Variants in DACH1 observed in about 807,000 individuals in gnomAD.
DACH1 encodes the protein dachshund homolog 1.
DACH1 carries 12 observed loss-of-function variants against 54.2 expected under a neutral mutation model. The observed-to-expected ratio is 0.22, with a 90% CI of 0.14 to 0.36. The LOEUF is 0.36. Among genes scored for constraint, DACH1 ranks in the 10% least tolerant of loss-of-function variants. The pLI is 1.00. For synonymous variants in DACH1, 386 were observed against 366.2 expected (o/e 1.05, Z -0.62); for missense variants, 805 against 929.8 (o/e 0.87, Z 1.75).
chr13:71,746,802 T>C (rs1213264011), intron 1 of DACH1, among the ~76,000 whole-genome samples: 2 of 152,320 alleles, frequency 1.3e-5, no homozygotes, highest in East Asian at 3.9e-4. Context: ...ACTTCTCTAA[T>C]GTCTTCACTA....
chr13:71,821,787 T>C (rs928837839), intron 1 of DACH1, among the ~76,000 whole-genome samples: 3 of 152,078 alleles, frequency 2.0e-5, no homozygotes, highest in Non-Finnish European at 4.4e-5. Context: ...TTCACATTCT[T>C]CCTTAAAACT....
chr13:71,459,042 A>T (rs981859127), intron 10 of DACH1, among the ~76,000 whole-genome samples: 1 of 152,018 alleles, frequency 6.6e-6, no homozygotes, highest in East Asian at 1.9e-4. Flanking sequence ...AGTTACGGAC[A>T]ATAGTTTGCC....
chr13:71,562,828 T>A (rs1192100073), intron 4 of DACH1, among the ~76,000 whole-genome samples: 1 of 152,126 alleles, frequency 6.6e-6, no homozygotes, highest in African/African-American at 2.4e-5. Context: ...CAAATCATTG[T>A]AATCACAAAT....
At chr13:71,811,808 A>C (rs572066805) in intron 1 of DACH1, among the ~76,000 whole-genome samples, 3 of 152,322 alleles carry the variant, frequency 2.0e-5, no homozygotes, top group African/African-American at 7.2e-5. Context: ...TGTGAGGATA[A>C]TGTAAGTTAA....
At chr13:71,611,507 A>C (rs1047024973) in intron 3 of DACH1, among the ~76,000 whole-genome samples, 1 of 152,050 alleles carries the variant, frequency 6.6e-6, no homozygotes, top group African/African-American at 2.4e-5. Flanking sequence ...CTTTTTTGAA[A>C]CTTCTGTTCT....
At chr13:71,676,152 CCTTA>C (rs148135224) in intron 2 of DACH1, among the ~76,000 whole-genome samples, 9,653 of 152,136 alleles carry the variant, frequency 0.063, 674 homozygotes, top group East Asian at 0.2. Context: ...TTTGTGTTCT[CCTTA>C]CTTGTGAGTA....
At chr13:71,586,419 C>A (rs916675665) in intron 3 of DACH1, among the ~76,000 whole-genome samples, 1 of 152,112 alleles carries the variant, frequency 6.6e-6, no homozygotes, top group Non-Finnish European at 1.5e-5. Context: ...ATTGCAATTT[C>A]TATTGGTGCA....
chr13:71,714,023 T>C lies in DACH1; in HGVS notation c.849-32113A>G, dbSNP rs1170099185. Among the ~76,000 whole-genome samples the C allele has an allele frequency of 3.9e-5, 6 of 152,062 alleles. No homozygotes were observed. The East Asian group carries it at 1.2e-3, about 29-fold the overall frequency. On this transcript the variant is annotated intron_variant, in intron 1 of 10. Transcript: ENST00000613252. ...ACTTGAAGCTCTCTCAAAATGTCTCTACAGATACTTGAATATCATATATTT... is the reference window on the plus strand; with the variant it reads ...ACTTGAAGCTCTCTCAAAATGTCTCCACAGATACTTGAATATCATATATTT...
chr13:71,754,640 C>T (rs937350695), intron 1 of DACH1, among the ~76,000 whole-genome samples: 1 of 151,908 alleles, frequency 6.6e-6, no homozygotes, highest in African/African-American at 2.4e-5. Flanking sequence ...TTTGTAATAC[C>T]CCAGGGTGTC....
At chr13:71,700,260 G>A (rs1170136534) in intron 1 of DACH1, among the ~76,000 whole-genome samples, 1 of 152,048 alleles carries the variant, frequency 6.6e-6, no homozygotes. Context: ...CACCCCTGCT[G>A]TTAAGAGAGC....
At chr13:71,696,285 C>T (rs1881828010) in intron 1 of DACH1, among the ~76,000 whole-genome samples, 1 of 152,118 alleles carries the variant, frequency 6.6e-6, no homozygotes, top group South Asian at 2.1e-4. Context: ...TTATGCTGAA[C>T]ACTTTGATGC....
Position 71,674,349 on chromosome 13 carries a change from A to G in DACH1, c.964+7446T>C, listed in dbSNP as rs148894713. On this transcript the variant is annotated intron_variant, in intron 2 of 10. Transcript: ENST00000613252. The stretch of plus-strand genomic sequence containing the variant: ...AAAAATTATTTGTAGATGTGATTAT[A>G]TTAAGGATCTTAAGACAGATTATCC... Among the ~76,000 whole-genome samples, 738 of 152,188 alleles carry G rather than the reference A, an allele frequency of 4.8e-3. 5 individuals carry two copies. Among genetic ancestry groups the G allele is most frequent in the African/African-American group, 0.017 (696 of 41,532 alleles).
chr13:71,656,053 T>C lies in DACH1; in HGVS notation c.965-25336A>G, dbSNP rs551431800. On this transcript the variant is annotated intron_variant, in intron 2 of 10. Transcript: ENST00000613252. Reference sequence around the variant, plus strand: ...TTCAAAGGTTATCATTAGCAAGTTTTTTAAAGTAAGTTATTTGGGATTTTG... The same window carrying C: ...TTCAAAGGTTATCATTAGCAAGTTTCTTAAAGTAAGTTATTTGGGATTTTG... Among the ~76,000 whole-genome samples, 3 of 152,368 alleles carry C rather than the reference T, an allele frequency of 2.0e-5. No individual in the cohort carries two copies. In the South Asian group the frequency reaches 6.2e-4, roughly 32 times the overall value.
chr13:71,442,991 T>C, intron 10 of DACH1, among the ~76,000 whole-genome samples: 1 of 150,076 alleles, frequency 6.7e-6, no homozygotes, highest in East Asian at 1.9e-4. Flanking sequence ...ATTAATCAGA[T>C]ATAGGTCTTT....
chr13:71,512,458 C>CA (rs1287778378), intron 6 of DACH1, among the ~76,000 whole-genome samples: 2 of 151,720 alleles, frequency 1.3e-5, no homozygotes, highest in Non-Finnish European at 2.9e-5. Context: ...AAAAGGAAAG[C>CA]AAAATACTAA....
chr13:71,681,154 T>A (rs915518090), intron 2 of DACH1, among the ~76,000 whole-genome samples: 21 of 152,254 alleles, frequency 1.4e-4, no homozygotes, highest in African/African-American at 4.8e-4. Flanking sequence ...GTAAATAATC[T>A]AATTAATGAA....
rs73523489 is a variant in DACH1 at position 71,732,820 on chromosome 13, C to G, written c.849-50910G>C. Among the ~76,000 whole-genome samples, 1,148 of 152,180 alleles carry G rather than the reference C, an allele frequency of 7.5e-3. 21 individuals are homozygous for G. Among genetic ancestry groups the G allele is most frequent in the African/African-American group, 0.026 (1,087 of 41,534 alleles). ...AGCCTACAGATATTTACTATCTAAC[C>G]GTCTCTAGAAACAGTTTGTCAATCA... On this transcript the variant is annotated intron_variant, in intron 1 of 10. Transcript: ENST00000613252.
At chr13:71,846,307 C>A in intron 1 of DACH1, 1 of 202,788 alleles carries the variant, frequency 4.9e-6, no homozygotes, top group South Asian at 9.9e-5. Flanking sequence ...CTGTACCTCT[C>A]AAAGATTTAG....
At chr13:71,553,600 G>T (rs1884041444) in intron 6 of DACH1, among the ~76,000 whole-genome samples, 1 of 139,028 alleles carries the variant, frequency 7.2e-6, no homozygotes, top group Non-Finnish European at 1.5e-5. Flanking sequence ...TTATATTTTT[G>T]TATTTTATAT....
Sources: gnomAD v4.1 joint callset for allele counts (sites outside exome capture counted in the v4.1 genomes callset) on GRCh38, gnomAD v4.1.1 for gene constraint, MANE v1.5 for transcripts, NCBI Gene and HGNC (gene_info 2026-07-23, HGNC 2026-07-21) for gene names.